Variants in AKR1C3 observed in about 807,000 individuals in gnomAD.
AKR1C3 encodes the protein 3-alpha hydroxysteroid dehydrogenase, type II.
AKR1C3 carries 48 observed loss-of-function variants against 43.6 expected under a neutral mutation model. The ratio of observed to expected loss-of-function variants is 1.10; its 90% CI spans 0.87 to 1.40. AKR1C3 has a LOEUF of 1.40. Ranked by LOEUF, AKR1C3 falls within the 40% of genes most tolerant of loss-of-function variation. AKR1C3 has a pLI of 0.00. For missense variants in AKR1C3, 482 were observed against 391.2 expected (o/e 1.23, Z -1.96); for synonymous variants, 162 against 139.6 (o/e 1.16, Z -1.13).
chr10:5,051,738 T>C (rs1222305331), intron 1 of AKR1C3, among the ~76,000 whole-genome samples: 1 of 152,188 alleles, frequency 6.6e-6, no homozygotes, highest in Non-Finnish European at 1.5e-5. Flanking sequence ...GAGGACGTCT[T>C]TATGCTAGTG....
chr10:5,057,998 G>A (rs1838299189), intron 1 of AKR1C3, among the ~76,000 whole-genome samples: 1 of 152,184 alleles, frequency 6.6e-6, no homozygotes, highest in African/African-American at 2.4e-5. Flanking sequence ...CTTTAAATCA[G>A]AGAGGGAGAA....
chr10:5,064,900 A>G (rs1838464400), intron 1 of AKR1C3, among the ~76,000 whole-genome samples: 1 of 137,864 alleles, frequency 7.3e-6, no homozygotes. Context: ...CAGAATCTAC[A>G]AGAAACCTAA....
chr10:5,049,799 C>G (rs1838116159), intron 1 of AKR1C3, among the ~76,000 whole-genome samples: 1 of 152,190 alleles, frequency 6.6e-6, no homozygotes, highest in Non-Finnish European at 1.5e-5. Context: ...GTAATTCCTT[C>G]CATGTACCTT....
rs1384575136 is a variant in AKR1C3 at position 5,102,784 on chromosome 10, C to T, written c.846+134C>T. 2.7e-6 allele frequency: 4 copies of T among 1,481,130 alleles called. No individual in the cohort carries two copies. In the Admixed American group the frequency reaches 9.3e-5, roughly 35 times the overall value. 91.7% of individuals were successfully genotyped at this position (1,481,130 alleles called of 1,614,324 possible). A position where few individuals can be genotyped will look rare whatever the true frequency, so the allele number is the denominator to read the frequency against. On this transcript the variant is annotated intron_variant, in intron 7 of 8. Coordinates refer to ENST00000380554, the MANE Select transcript of AKR1C3 (RefSeq NM_003739.6). ...TCCCATATGAATGCTTTGCGTGCAT[C>T]CTGAGGGTTTCTTCTACTCTACCAC...
chr10:5,097,448 T>G lies in AKR1C3; in HGVS notation c.267T>G (p.Phe89Leu). 6.2e-7 allele frequency: 1 copy of G among 1,613,678 alleles called. No individual in the cohort carries two copies. The highest frequency in any genetic ancestry group is 1.1e-5 in the South Asian group (1 of 91,042). ...AACCTCTGCAGCTTTGGTCCACTTT[T>G]CATCGACCAGAGTTGGTCCGACCAG... is the stretch of plus-strand genomic sequence containing the variant. ...IFYTSKLWST[F>L]HRPELVRPAL... Residue 89 changes from phenylalanine to leucine, a missense_variant, in exon 3 of 9, where the codon TTT (phenylalanine) becomes TTG (leucine). Physicochemically the swap from Phe to Leu is conservative, Grantham distance 22. Coordinates refer to ENST00000380554, the MANE Select transcript of AKR1C3 (RefSeq NM_003739.6).
At chr10:5,080,120 C>G (rs1325322842) in intron 1 of AKR1C3, among the ~76,000 whole-genome samples, 1 of 152,082 alleles carries the variant, frequency 6.6e-6, no homozygotes, top group Non-Finnish European at 1.5e-5. Context: ...CTTTCCTTCC[C>G]TCTCACTGCC....
chr10:5,074,823 G>T (rs1278053889), intron 1 of AKR1C3, among the ~76,000 whole-genome samples: 4 of 152,174 alleles, frequency 2.6e-5, no homozygotes, highest in Non-Finnish European at 5.9e-5. Flanking sequence ...TATCTTTACA[G>T]TTGCGGTCAC....
intron 1 of AKR1C3, among the ~76,000 whole-genome samples, chr10:5,059,702 A>G (rs1164793475): frequency 6.6e-6 from 1 of 152,162 alleles, no homozygotes; most frequent in African/African-American, 2.4e-5. Flanking sequence ...AGGACAGAAT[A>G]GCAAGCAAAA....
chr10:5,088,407 C>T (rs1381426231), intron 1 of AKR1C3, among the ~76,000 whole-genome samples: 1 of 151,752 alleles, frequency 6.6e-6, no homozygotes, highest in African/African-American at 2.4e-5. Context: ...TGATCTGCAA[C>T]ATTTATAAGT....
chr10:5,085,038 C>A (rs1838931673), intron 1 of AKR1C3, among the ~76,000 whole-genome samples: 1 of 152,160 alleles, frequency 6.6e-6, no homozygotes, highest in African/African-American at 2.4e-5. Flanking sequence ...GACAATTTGA[C>A]TTCTTCTTTT....
At chr10:5,080,084 T>A (rs1213389388) in intron 1 of AKR1C3, among the ~76,000 whole-genome samples, 1 of 152,156 alleles carries the variant, frequency 6.6e-6, no homozygotes, top group Non-Finnish European at 1.5e-5. Flanking sequence ...CTGAGGTCCA[T>A]CAGTGCCAAG....
chr10:5,084,868 GCTCT>G (rs1247741562), intron 1 of AKR1C3, among the ~76,000 whole-genome samples: 7 of 151,968 alleles, frequency 4.6e-5, no homozygotes, highest in African/African-American at 1.5e-4. Context: ...TCATGATTTG[GCTCT>G]CTGTTTGTCT....
At chr10:5,100,535 C>G (rs1839320688) in intron 5 of AKR1C3, among the ~76,000 whole-genome samples, 1 of 152,086 alleles carries the variant, frequency 6.6e-6, no homozygotes, top group South Asian at 2.1e-4. Flanking sequence ...TGATTCCAGG[C>G]CTCCTTGATC....
intron 1 of AKR1C3, among the ~76,000 whole-genome samples, chr10:5,074,423 A>G (rs1286055307): frequency 1.3e-5 from 2 of 152,228 alleles, no homozygotes; most frequent in Non-Finnish European, 2.9e-5. Context: ...ACTGTCTGTT[A>G]TGAGAGAGGC....
intron 8 of AKR1C3, 23 bp from the exon 9 acceptor site, chr10:5,107,438 A>T: frequency 1.3e-6 from 2 of 1,488,186 alleles, no homozygotes; most frequent in Non-Finnish European, 9.4e-7. Flanking sequence ...TTGCATTTAT[A>T]TTATACATTA....
intron 7 of AKR1C3, chr10:5,105,316 ATGT>A (rs1554786986): frequency 2.6e-4 from 30 of 113,330 alleles, no homozygotes; most frequent in Non-Finnish European, 4.6e-4. Flanking sequence ...TGACCCTATC[ATGT>A]GGGCACAATG....
At chr10:5,087,335 G>T (rs1838989761) in intron 1 of AKR1C3, among the ~76,000 whole-genome samples, 1 of 149,206 alleles carries the variant, frequency 6.7e-6, no homozygotes. Flanking sequence ...ATACTCTCTT[G>T]TATTTCTCTG....
At chr10:5,102,802 T>A (rs973904867) in intron 7 of AKR1C3, 152 bp downstream of exon 7, 585 of 1,464,256 alleles carry the variant, frequency 4.0e-4, no homozygotes, top group Non-Finnish European at 5.0e-4. Context: ...TTTCTTCTAC[T>A]CTACCACGGG....
At chr10:5,078,456 C>T (rs2131813553) in intron 1 of AKR1C3, among the ~76,000 whole-genome samples, 1 of 152,128 alleles carries the variant, frequency 6.6e-6, no homozygotes, top group Admixed American at 6.5e-5. Flanking sequence ...ATAATAATAA[C>T]CATAATCATA....
Sources: allele counts gnomAD v4.1 joint callset (sites outside exome capture counted in the v4.1 genomes callset), GRCh38; gene constraint gnomAD v4.1.1; transcripts MANE v1.5; gene names NCBI Gene and HGNC (gene_info 2026-07-23, HGNC 2026-07-21).